DYNC2I2: variants seen among roughly 807,000 people sequenced by gnomAD.
DYNC2I2 encodes cytoplasmic dynein 2 intermediate chain 2.
A neutral mutation model predicts 52.0 loss-of-function variants in DYNC2I2; 39 were observed. That is an observed-to-expected ratio of 0.75 (90% CI 0.58 to 0.98). The LOEUF is 0.98. Among genes scored for constraint, DYNC2I2 ranks in the 50% least tolerant of loss-of-function variants. DYNC2I2 has a pLI of 0.00. For missense variants in DYNC2I2, 743 were observed against 728.4 expected (o/e 1.02, Z -0.23); for synonymous variants, 359 against 321.1 (o/e 1.12, Z -1.26).
Position 128,656,547 on chromosome 9 carries a change from C to T in DYNC2I2, c.180G>A (p.Trp60Ter). Residue 60 changes from tryptophan (W) to a stop codon, truncating the protein, a stop_gained, in exon 1 of 9, where the codon TGG becomes TGA. Transcript: ENST00000372715. LOFTEE classifies it high-confidence loss of function. ...GCGGGGCCCGCGCCCTCACCGTCTC[C>T]CAGCGGATGCCCTGGACGGCCCTCC... ...SQWRAVQGIR[W>*]ETKSCQTASI... 7.0e-7 allele frequency: 1 copy of T among 1,421,110 alleles called. No homozygotes were observed. Among genetic ancestry groups the T allele is most frequent in the Non-Finnish European group, 9.2e-7 (1 of 1,090,392 alleles). 88.0% of individuals were successfully genotyped at this position (1,421,110 alleles called of 1,614,324 possible). A position where few individuals can be genotyped will look rare whatever the true frequency, so the allele number is the denominator to read the frequency against.
At chr9:128,678,016 G>A in the DYNC2I2 span, among the ~76,000 whole-genome samples, 1 of 151,640 alleles carries the variant, frequency 6.6e-6, no homozygotes, top group Non-Finnish European at 1.5e-5. Flanking sequence ...TACTAACCAC[G>A]TGGGTTTGGA....
the DYNC2I2 span, among the ~76,000 whole-genome samples, chr9:128,680,917 T>C: frequency 6.8e-6 from 1 of 147,184 alleles, no homozygotes; most frequent in African/African-American, 2.5e-5. Flanking sequence ...CTCAAGTGAT[T>C]TGCCCACCTT....
At chr9:128,660,171 C>T (rs558680082), upstream of DYNC2I2, among the ~76,000 whole-genome samples, 6 of 152,002 alleles carry the variant, frequency 3.9e-5, no homozygotes, top group Non-Finnish European at 7.4e-5. Flanking sequence ...TGCAGTGGCA[C>T]GATCTCGGCT....
chr9:128,640,002 A>C (rs183476071), intron 2 of DYNC2I2, among the ~76,000 whole-genome samples: 1 of 116,416 alleles, frequency 8.6e-6, no homozygotes, highest in African/African-American at 3.5e-5. Flanking sequence ...AAGATACCAC[A>C]GGAGACATTC....
upstream of DYNC2I2, among the ~76,000 whole-genome samples, chr9:128,659,708 AG>A (rs1860896426): frequency 6.6e-6 from 1 of 151,884 alleles, no homozygotes; most frequent in African/African-American, 2.4e-5. Flanking sequence ...CAGGAGTTCG[AG>A]ACCAGCCTGA....
upstream of DYNC2I2, among the ~76,000 whole-genome samples, chr9:128,658,366 T>C (rs1418303180): frequency 6.6e-6 from 1 of 151,868 alleles, no homozygotes; most frequent in Admixed American, 6.6e-5. Flanking sequence ...GGTTTCACCA[T>C]GTTGGCCAAG....
chr9:128,658,617 AC>A (rs1860881463), upstream of DYNC2I2, among the ~76,000 whole-genome samples: 1 of 149,646 alleles, frequency 6.7e-6, no homozygotes, highest in African/African-American at 2.5e-5. Flanking sequence ...AACCGCCACC[AC>A]GCCTGGCCAA....
Position 128,634,274 on chromosome 9 carries a change from G to A in DYNC2I2, c.1324C>T (p.Arg442Cys), listed in dbSNP as rs545394162. The change falls in exon 8 of 9, where the codon CGC becomes TGC. Residue 442 changes from arginine (R) to cysteine (C), a missense_variant. Coordinates refer to ENST00000372715, the MANE Select transcript of DYNC2I2 (RefSeq NM_052844.4). ...QLSLKYLFAV[R>C]WSPVRPLVFA... The stretch of plus-strand genomic sequence containing the variant: ...ACCAAGGGCCGCACTGGGGACCAGC[G>A]CACAGCAAACAGATACTTGAGGGAG... 4.8e-5 allele frequency: 77 copies of A among 1,613,862 alleles called. No homozygotes were observed. In the South Asian group the frequency reaches 5.2e-4, roughly 11 times the overall value.
intron 3 of DYNC2I2, 113 bp from the exon 4 acceptor site, chr9:128,636,551 G>T: frequency 8.0e-7 from 1 of 1,249,394 alleles, no homozygotes; most frequent in Non-Finnish European, 1.1e-6. Flanking sequence ...GTCACCACCA[G>T]ACACTACTCT....
At chr9:128,659,825 T>C (rs28858753), upstream of DYNC2I2, among the ~76,000 whole-genome samples, 7,966 of 150,676 alleles carry the variant, frequency 0.053, 309 homozygotes, top group East Asian at 0.13. Context: ...GGAGAATCAC[T>C]TGAACCTGGG....
intron 1 of DYNC2I2, among the ~76,000 whole-genome samples, chr9:128,643,582 C>T (rs1310752842): frequency 1.3e-5 from 2 of 151,534 alleles, no homozygotes; most frequent in East Asian, 3.9e-4. Context: ...TCCCCAGCTA[C>T]TCAGAAGGCT....
chr9:128,657,070 C>T (rs573754973), upstream of DYNC2I2, among the ~76,000 whole-genome samples: 81 of 152,334 alleles, frequency 5.3e-4, no homozygotes, highest in African/African-American at 1.0e-3. Context: ...CGGCCGTGGC[C>T]GGCCCGCGAG....
intron 1 of DYNC2I2, among the ~76,000 whole-genome samples, chr9:128,643,102 C>G (rs1860548599): frequency 1.3e-5 from 2 of 151,738 alleles, no homozygotes; most frequent in South Asian, 4.2e-4. Context: ...GGAGGAAAAT[C>G]CCCTGAGCGC....
the DYNC2I2 span, among the ~76,000 whole-genome samples, chr9:128,666,233 G>C: frequency 6.7e-6 from 1 of 148,776 alleles, no homozygotes; most frequent in Non-Finnish European, 1.5e-5. Context: ...AAAGTTAGCC[G>C]GGCGTGGGCA....
chr9:128,648,332 G>C (rs1272015060), intron 1 of DYNC2I2, among the ~76,000 whole-genome samples: 1 of 152,128 alleles, frequency 6.6e-6, no homozygotes, highest in African/African-American at 2.4e-5. Flanking sequence ...ACTTAAACCA[G>C]TAAGGTGGAG....
intron 2 of DYNC2I2, among the ~76,000 whole-genome samples, chr9:128,637,251 C>G (rs114988868): frequency 6.6e-6 from 1 of 152,212 alleles, no homozygotes; most frequent in Non-Finnish European, 1.5e-5. Flanking sequence ...ACCAGGCTCC[C>G]GCCCAGAGGG....
At chr9:128,671,516 C>T in the DYNC2I2 span, among the ~76,000 whole-genome samples, 2 of 148,332 alleles carry the variant, frequency 1.3e-5, no homozygotes, top group Non-Finnish European at 3.0e-5. Context: ...ACTCTGTCTC[C>T]AGGCTGGAGG....
At position 128,635,203 on chromosome 9, in the gene DYNC2I2, G is replaced by A; in HGVS notation, c.870C>T (p.Ala290=). The A allele has an allele frequency of 6.2e-7, 1 of 1,613,290 alleles. No individual in the cohort carries two copies. Among genetic ancestry groups the A allele is most frequent in the African/African-American group, 1.3e-5 (1 of 75,058 alleles). The part of the protein sequence containing the change: ...HSHRFQVLSV[A]TDGKVLLWQG... ...GCCAGAGTAGCACCTTCCCGTCGGTGGCCACACTCAGCACCTGGAAGCGGT... is the reference window on the plus strand; with the variant it reads ...GCCAGAGTAGCACCTTCCCGTCGGTAGCCACACTCAGCACCTGGAAGCGGT... Residue 290 remains alanine (A), a synonymous_variant, in exon 6 of 9, where the codon GCC becomes GCT. Transcript: ENST00000372715.
At chr9:128,671,035 C>T in the DYNC2I2 span, among the ~76,000 whole-genome samples, 1 of 148,384 alleles carries the variant, frequency 6.7e-6, no homozygotes, top group Admixed American at 6.8e-5. Context: ...CCATTGCACT[C>T]CAGCCTGGGC....
Sources: gnomAD v4.1 joint callset for allele counts (sites outside exome capture counted in the v4.1 genomes callset) on GRCh38, gnomAD v4.1.1 for gene constraint, MANE v1.5 for transcripts, NCBI Gene and HGNC (gene_info 2026-07-23, HGNC 2026-07-21) for gene names.